Variants in C12orf54 observed in about 807,000 individuals in gnomAD.
The protein encoded by C12orf54 is uncharacterized protein C12orf54.
C12orf54 carries 24 observed loss-of-function variants against 26.4 expected under a neutral mutation model. The ratio of observed to expected loss-of-function variants is 0.91; its 90% CI spans 0.66 to 1.28. C12orf54 has a LOEUF of 1.28. C12orf54 is among the 50% of genes most tolerant of loss of function. C12orf54 has a pLI of 0.00. For missense variants in C12orf54, 154 were observed against 150.9 expected (o/e 1.02, Z -0.11); for synonymous variants, 54 against 47.0 (o/e 1.15, Z -0.61).
rs571189607 is a variant in C12orf54, at chr12:48,483,140, T to A, written c.-57-100T>A. The A allele has an allele frequency of 2.4e-5, 15 of 625,568 alleles. No individual in the cohort carries two copies. In the South Asian group the frequency reaches 2.9e-4, roughly 12 times the overall value. The allele number at this position is 625,568 out of a possible 1,614,324, so 38.8% of individuals were successfully genotyped here. On this transcript the variant is annotated intron_variant, in intron 1 of 8. Coordinates refer to ENST00000548364, the MANE Select transcript of C12orf54 (RefSeq NM_152319.4). ...CACATGCACACTCACCCATTCAAAA[T>A]ACAAATGCTCCATTAACTGCTGGTA...
the C12orf54 span, among the ~76,000 whole-genome samples, chr12:48,418,819 T>A: frequency 1.6e-3 from 248 of 152,226 alleles, no homozygotes; most frequent in Admixed American, 3.4e-3. Context: ...AAAAAAAATT[T>A]TAATATGTTA....
At chr12:48,433,455 T>TG in the C12orf54 span, among the ~76,000 whole-genome samples, 836 of 134,388 alleles carry the variant, frequency 6.2e-3, 6 homozygotes, top group South Asian at 8.4e-3. Context: ...AGCTTTTTTT[T>TG]GGGGGGGGGG....
the C12orf54 span, among the ~76,000 whole-genome samples, chr12:48,417,552 C>T: frequency 1.3e-5 from 2 of 152,048 alleles, no homozygotes; most frequent in African/African-American, 4.8e-5. Flanking sequence ...CAGTCTGATG[C>T]CATTAGGTCT....
At chr12:48,422,589 T>C in the C12orf54 span, among the ~76,000 whole-genome samples, 3 of 152,136 alleles carry the variant, frequency 2.0e-5, no homozygotes, top group African/African-American at 7.2e-5. Context: ...TGTCATATCA[T>C]GGAAACAGGA....
intron 3 of C12orf54, 114 bp downstream of exon 3, chr12:48,486,322 C>A: frequency 9.0e-7 from 1 of 1,111,886 alleles, no homozygotes; most frequent in Non-Finnish European, 1.3e-6. Context: ...TGACAAGGGA[C>A]AGGGTGCCCT....
At chr12:48,428,115 C>T in the C12orf54 span, among the ~76,000 whole-genome samples, 272 of 152,046 alleles carry the variant, frequency 1.8e-3, 2 homozygotes, top group African/African-American at 6.0e-3. Context: ...AAAAATTCTT[C>T]GAACTGAATG....
At chr12:48,475,534 T>C in the C12orf54 span, among the ~76,000 whole-genome samples, 1 of 152,016 alleles carries the variant, frequency 6.6e-6, no homozygotes, top group African/African-American at 2.4e-5. Context: ...GAATAACCAA[T>C]GCAGAGAAGT....
the C12orf54 span, among the ~76,000 whole-genome samples, chr12:48,476,213 C>A: frequency 6.6e-6 from 1 of 152,140 alleles, no homozygotes; most frequent in Non-Finnish European, 1.5e-5. Flanking sequence ...TTTGTCACCA[C>A]CAGGCCTGCC....
At chr12:48,420,313 A>G in the C12orf54 span, among the ~76,000 whole-genome samples, 2 of 152,192 alleles carry the variant, frequency 1.3e-5, no homozygotes, top group African/African-American at 4.8e-5. Flanking sequence ...CCTTATATGT[A>G]TGGATGTATT....
chr12:48,417,982 C>A, the C12orf54 span, among the ~76,000 whole-genome samples: 1 of 152,092 alleles, frequency 6.6e-6, no homozygotes, highest in Non-Finnish European at 1.5e-5. Flanking sequence ...TCCAATCCAG[C>A]GTTGATGGGC....
the C12orf54 span, among the ~76,000 whole-genome samples, chr12:48,476,102 A>G: frequency 6.6e-6 from 1 of 152,184 alleles, no homozygotes; most frequent in African/African-American, 2.4e-5. Context: ...CAACATTCTT[A>G]AAGAAAAGAA....
the C12orf54 span, among the ~76,000 whole-genome samples, chr12:48,426,992 G>T: frequency 2.0e-5 from 3 of 152,088 alleles, no homozygotes; most frequent in Non-Finnish European, 4.4e-5. Flanking sequence ...ATGCCCATGG[G>T]GTTTTCTAGA....
At chr12:48,427,816 A>G in the C12orf54 span, among the ~76,000 whole-genome samples, 1 of 152,102 alleles carries the variant, frequency 6.6e-6, no homozygotes, top group African/African-American at 2.4e-5. Context: ...CTTGGAACAA[A>G]TGAACTTAAC....
chr12:48,489,442 T>TCTCTC (rs1937735340), intron 5 of C12orf54: 1 of 257,368 alleles, frequency 3.9e-6, no homozygotes, highest in Non-Finnish European at 7.8e-6. Context: ...TCTCTCTCTC[T>TCTCTC]TTGAGACAGG....
intron 6 of C12orf54, among the ~76,000 whole-genome samples, chr12:48,491,239 T>C (rs1231655170): frequency 6.6e-6 from 1 of 152,340 alleles, no homozygotes; most frequent in Non-Finnish European, 1.5e-5. Flanking sequence ...ATTTGGTGTC[T>C]GGTGAGGCCC....
Position 48,490,849 on chromosome 12 carries a change from C to T in C12orf54, c.193+13C>T. The T allele has an allele frequency of 6.2e-7, 1 of 1,612,782 alleles. No homozygotes were observed. The highest frequency in any genetic ancestry group is 1.1e-5 in the South Asian group (1 of 91,046). On this transcript the variant is annotated intron_variant, in intron 6 of 8. Transcript: ENST00000548364. ...GCTCGGATTCGAGGTAAAACAGCAC[C>T]ATTCCAAGGTTTGGAAAAGGAAACA...
chr12:48,447,419 T>C, the C12orf54 span, among the ~76,000 whole-genome samples: 1 of 152,156 alleles, frequency 6.6e-6, no homozygotes, highest in Non-Finnish European at 1.5e-5. Context: ...ACTAATACAA[T>C]AGAGAAGACA....
the C12orf54 span, among the ~76,000 whole-genome samples, chr12:48,447,222 G>A: frequency 9.9e-3 from 1,506 of 151,680 alleles, 31 homozygotes; most frequent in African/African-American, 0.034. Context: ...CTGTGTGTGT[G>A]TGTGTGTGTG....
chr12:48,447,459 AC>A, the C12orf54 span, among the ~76,000 whole-genome samples: 197 of 152,286 alleles, frequency 1.3e-3, no homozygotes, highest in Non-Finnish European at 2.1e-3. Flanking sequence ...AAATGCCTCT[AC>A]CTGTGCTTTA....
Sources: allele counts gnomAD v4.1 joint callset (sites outside exome capture counted in the v4.1 genomes callset), GRCh38; gene constraint gnomAD v4.1.1; transcripts MANE v1.5; gene names NCBI Gene and HGNC (gene_info 2026-07-23, HGNC 2026-07-21).